The following DAAM1 variants were observed in gnomAD, a reference collection of about 807,000 sequenced individuals.
DAAM1 encodes the protein dishevelled associated activator of morphogenesis 1.
DAAM1 carries 52 observed loss-of-function variants against 130.0 expected under a neutral mutation model. The ratio of observed to expected loss-of-function variants is 0.40; its 90% CI spans 0.32 to 0.50. DAAM1 has a LOEUF of 0.50. Ranked by LOEUF, DAAM1 falls within the 20% of genes least tolerant of loss-of-function variation. The probability of loss-of-function intolerance (pLI) is 0.61; values close to 1 mark genes in which losing one functional copy is unlikely to be tolerated. For synonymous variants in DAAM1, 452 were observed against 444.5 expected, an observed-to-expected ratio of 1.02 and a Z score of -0.21; for missense variants, 1,134 against 1,303.8, an observed-to-expected ratio of 0.87 and a Z score of 2.01.
At chr14:59,361,827 G>A (rs1190442191) in intron 22 of DAAM1, among the ~76,000 whole-genome samples, 1 of 152,148 alleles carries the variant, frequency 6.6e-6, no homozygotes, top group Non-Finnish European at 1.5e-5. Flanking sequence ...AGCTTGGAAA[G>A]GTGCCTCTCA....
intron 24 of DAAM1, 26 bp from the exon 25 acceptor site, chr14:59,368,624 A>C: frequency 6.2e-7 from 1 of 1,601,376 alleles, no homozygotes. Context: ...ACATGTCTCA[A>C]AGAGGTTATT....
intron 2 of DAAM1, among the ~76,000 whole-genome samples, chr14:59,269,351 C>T (rs1411562802): frequency 6.6e-6 from 1 of 152,220 alleles, no homozygotes; most frequent in Non-Finnish European, 1.5e-5. Context: ...AGCTCAGTAC[C>T]TCTCTGTAAA....
intron 5 of DAAM1, among the ~76,000 whole-genome samples, chr14:59,322,661 A>G (rs747683959): frequency 6.6e-5 from 10 of 152,324 alleles, no homozygotes; most frequent in Non-Finnish European, 1.2e-4. Flanking sequence ...CTTTGTACCC[A>G]TTGAGATATG....
intron 1 of DAAM1, among the ~76,000 whole-genome samples, chr14:59,196,781 C>CA (rs1321536455): frequency 2.0e-5 from 3 of 151,800 alleles, no homozygotes; most frequent in Non-Finnish European, 4.4e-5. Context: ...ACAAAACCCA[C>CA]AAAAAAACTA....
At position 59,331,607 on chromosome 14, in the gene DAAM1, A is replaced by C; in HGVS notation, c.1860+99A>C. 3.3e-6 allele frequency: 5 copies of C among 1,510,340 alleles called. No individual in the cohort carries two copies. The South Asian group carries it at 5.5e-5, about 17-fold the overall frequency. 93.6% of individuals were successfully genotyped at this position (1,510,340 alleles called of 1,614,324 possible). On this transcript the variant is annotated intron_variant, in intron 14 of 24. Transcript: ENST00000360909. ...ACAGCCCTGGCTGTTAAATGATTTC[A>C]TTTTCTAATGTGGACCAAGAGTTCT... is the stretch of plus-strand genomic sequence containing the variant.
At chr14:59,238,881 C>G (rs551982818) in intron 1 of DAAM1, among the ~76,000 whole-genome samples, 2 of 152,198 alleles carry the variant, frequency 1.3e-5, no homozygotes, top group South Asian at 4.1e-4. Flanking sequence ...ATTCTTGCAT[C>G]AGAGACTTTC....
chr14:59,229,549 G>A lies in DAAM1; in HGVS notation c.-37-33892G>A, dbSNP rs531676562. Among the ~76,000 whole-genome samples, 30 of 150,714 alleles carry A rather than the reference G, an allele frequency of 2.0e-4. No homozygotes were observed. The South Asian group carries it at 6.2e-3, about 31-fold the overall frequency. On this transcript the variant is annotated intron_variant, in intron 1 of 24. Coordinates refer to ENST00000360909, the MANE Select transcript of DAAM1 (RefSeq NM_001270520.2). ...CAAGATTAAAATGAAGACCCACACT[G>A]ACTTACTATCTGTCCTGGCCCTTTG...
In DAAM1 at chr14:59,364,585, C is replaced by G. The variant is rs550196124; in HGVS notation, c.2826+803C>G. Among the ~76,000 whole-genome samples, 26 of 152,138 alleles carry G rather than the reference C, an allele frequency of 1.7e-4. No individual in the cohort carries two copies. In the East Asian group the frequency reaches 5.0e-3, roughly 29 times the overall value. On this transcript the variant is annotated intron_variant, in intron 23 of 24. Transcript: ENST00000360909. ...ATGATATTAACACTCTTCCCCACCC[C>G]ATTGGTTCTTTTACTCTACCCATCT...
intron 1 of DAAM1, among the ~76,000 whole-genome samples, chr14:59,260,618 T>C (rs1006246258): frequency 6.6e-6 from 1 of 152,256 alleles, no homozygotes; most frequent in Non-Finnish European, 1.5e-5. Context: ...TTCTATGCCC[T>C]TATTTGCTCT....
intron 2 of DAAM1, among the ~76,000 whole-genome samples, chr14:59,270,796 G>A (rs1882677251): frequency 6.6e-6 from 1 of 152,180 alleles, no homozygotes. Flanking sequence ...GAACTGGGGT[G>A]TCTTTCTCAC....
At chr14:59,298,835 C>T (rs1884058736) in intron 3 of DAAM1, among the ~76,000 whole-genome samples, 1 of 152,114 alleles carries the variant, frequency 6.6e-6, no homozygotes, top group African/African-American at 2.4e-5. Context: ...TGGGTCATTC[C>T]AGCTGTGTCC....
intron 2 of DAAM1, among the ~76,000 whole-genome samples, chr14:59,281,418 T>C (rs572375016): frequency 3.5e-4 from 53 of 152,286 alleles, no homozygotes; most frequent in African/African-American, 1.1e-3. Flanking sequence ...AAGCTAGCTT[T>C]GGAGTAAATT....
chr14:59,280,121 G>A lies in DAAM1; in HGVS notation c.184-11096G>A, dbSNP rs540316421. On this transcript the variant is annotated intron_variant, in intron 2 of 24. Transcript: ENST00000360909. ...AGAATGTGGAGTAACTGGAACTGCC[G>A]TGTATTGCTGACATGAGTATAAGAT... is the stretch of plus-strand genomic sequence containing the variant. Among the ~76,000 whole-genome samples the A allele has an allele frequency of 7.9e-5, 12 of 152,258 alleles. 1 individual carries two copies. In the East Asian group the frequency reaches 1.5e-3, roughly 20 times the overall value.
Position 59,368,918 on chromosome 14 carries a change from C to T in DAAM1, c.*59C>T, listed in dbSNP as rs574862246. 10 of 1,498,804 alleles carry T rather than the reference C, an allele frequency of 6.7e-6. No homozygotes were observed. Among genetic ancestry groups the T allele is most frequent in the South Asian group, 3.8e-5 (3 of 79,950 alleles). The allele number at this position is 1,498,804 out of a possible 1,614,324, so 92.8% of individuals were successfully genotyped here. A position where few individuals can be genotyped will look rare whatever the true frequency, so the allele number is the denominator to read the frequency against. Reference sequence around the variant, plus strand: ...TAGCAGCCCTCTAAAGTGACTAGAACGTTTCATTACACTGCCTTGCAATCC... The same window carrying T: ...TAGCAGCCCTCTAAAGTGACTAGAATGTTTCATTACACTGCCTTGCAATCC... On this transcript the variant is annotated 3_prime_UTR_variant, in exon 25 of 25. Coordinates refer to ENST00000360909, the MANE Select transcript of DAAM1 (RefSeq NM_001270520.2).
intron 21 of DAAM1, 49 bp downstream of exon 21, chr14:59,359,553 G>A: frequency 6.9e-7 from 1 of 1,452,106 alleles, no homozygotes; most frequent in South Asian, 1.2e-5. Context: ...TGGATTGTGT[G>A]TTAGCCATTG....
At chr14:59,331,961 A>G (rs917827499) in intron 15 of DAAM1, 41 bp downstream of exon 15, 1 of 1,529,664 alleles carries the variant, frequency 6.5e-7, no homozygotes, top group Non-Finnish European at 9.0e-7. Context: ...AGGTAGAAAA[A>G]TCATGTCTTA....
chr14:59,331,940 A>G lies in DAAM1; in HGVS notation c.1968+20A>G, dbSNP rs921234585. ...CAGCAGGTAACAGCATATGCCCTCC[A>G]GACACCAAAAAGGTAGAAAAATCAT... On this transcript the variant is annotated intron_variant, in intron 15 of 24. Coordinates refer to ENST00000360909, the MANE Select transcript of DAAM1 (RefSeq NM_001270520.2). 5 of 1,598,148 alleles carry G rather than the reference A, an allele frequency of 3.1e-6. No individual in the cohort carries two copies. The highest frequency in any genetic ancestry group is 4.3e-6 in the Non-Finnish European group (5 of 1,167,454).
intron 17 of DAAM1, among the ~76,000 whole-genome samples, chr14:59,349,230 C>T (rs1240165217): frequency 6.6e-6 from 1 of 152,218 alleles, no homozygotes; most frequent in Non-Finnish European, 1.5e-5. Context: ...TTTAGTCCTC[C>T]TGCCTTCAGC....
chr14:59,242,062 C>T (rs1175217549), intron 1 of DAAM1, among the ~76,000 whole-genome samples: 1 of 152,156 alleles, frequency 6.6e-6, no homozygotes, highest in African/African-American at 2.4e-5. Context: ...GATTCTCATC[C>T]TGCCTCTTTA....
Sources: allele counts gnomAD v4.1 joint callset (sites outside exome capture counted in the v4.1 genomes callset), GRCh38; gene constraint gnomAD v4.1.1; transcripts MANE v1.5; gene names NCBI Gene and HGNC (gene_info 2026-07-23, HGNC 2026-07-21).